The following KCNMB4 variants were observed in gnomAD, a reference collection of about 807,000 sequenced individuals.
KCNMB4 encodes calcium-activated potassium channel subunit beta-4.
KCNMB4 carries 3 observed loss-of-function variants against 20.7 expected under a neutral mutation model. The ratio of observed to expected loss-of-function variants is 0.14; its 90% CI spans 0.07 to 0.37. KCNMB4 has a LOEUF of 0.37. Among genes scored for constraint, KCNMB4 ranks in the 10% least tolerant of loss-of-function variants. KCNMB4 has a pLI of 1.00. For synonymous variants in KCNMB4, 110 were observed against 113.4 expected (o/e 0.97, Z 0.19); for missense variants, 168 against 265.9 (o/e 0.63, Z 2.56).
At chr12:70,397,660 A>G (rs1416694097) in intron 1 of KCNMB4, among the ~76,000 whole-genome samples, 3 of 152,210 alleles carry the variant, frequency 2.0e-5, no homozygotes, top group African/African-American at 4.8e-5. Flanking sequence ...TGTCAATGTA[A>G]TTCTTCTGGT....
intron 2 of KCNMB4, among the ~76,000 whole-genome samples, chr12:70,417,628 A>G (rs749210774): frequency 1.2e-4 from 19 of 152,232 alleles, no homozygotes; most frequent in Admixed American, 7.2e-4. Context: ...GTTTATGCAA[A>G]TACATCCATG....
chr12:70,421,707 G>T (rs1049365334), intron 2 of KCNMB4, among the ~76,000 whole-genome samples: 5 of 151,356 alleles, frequency 3.3e-5, no homozygotes, highest in Non-Finnish European at 5.9e-5. Flanking sequence ...TCAGCCTCCC[G>T]AGTAGCTGGG....
intron 2 of KCNMB4, among the ~76,000 whole-genome samples, chr12:70,418,395 A>G (rs1868965787): frequency 6.6e-6 from 1 of 152,098 alleles, no homozygotes; most frequent in Non-Finnish European, 1.5e-5. Flanking sequence ...TGTTAAAGTG[A>G]TCTTTCAAAA....
intron 2 of KCNMB4, among the ~76,000 whole-genome samples, chr12:70,420,835 G>A (rs1869031485): frequency 6.6e-6 from 1 of 152,114 alleles, no homozygotes; most frequent in Admixed American, 6.5e-5. Flanking sequence ...GAGGCGGGCG[G>A]ATCATGAGGT....
intron 2 of KCNMB4, among the ~76,000 whole-genome samples, chr12:70,403,121 T>G (rs1317060340): frequency 2.2e-5 from 3 of 137,100 alleles, no homozygotes; most frequent in African/African-American, 8.6e-5. Flanking sequence ...GAACAAGGTG[T>G]TGTGGAACAA....
intron 1 of KCNMB4, among the ~76,000 whole-genome samples, chr12:70,398,195 G>C (rs920715822): frequency 6.6e-6 from 1 of 151,986 alleles, no homozygotes; most frequent in Non-Finnish European, 1.5e-5. Flanking sequence ...CAGTGGGCAG[G>C]ATCTCTTCTG....
intron 2 of KCNMB4, chr12:70,422,674 A>G (rs1869096683): frequency 7.8e-7 from 1 of 1,285,654 alleles, no homozygotes; most frequent in South Asian, 1.2e-5. Flanking sequence ...TTTAAAAAAG[A>G]CAGAAAGTCA....
intron 1 of KCNMB4, among the ~76,000 whole-genome samples, chr12:70,379,565 C>T (rs1023326377): frequency 1.3e-5 from 2 of 152,124 alleles, no homozygotes; most frequent in Non-Finnish European, 2.9e-5. Context: ...TACAGGTGCA[C>T]TCTACCACAC....
Position 70,366,683 on chromosome 12 carries a change from C to CGGGGGCGGGA in KCNMB4, c.-42_-33dup, listed in dbSNP as rs1883498613. 1.0e-5 allele frequency: 13 copies of CGGGGGCGGGA among 1,300,236 alleles called. No homozygotes were observed. Among genetic ancestry groups the CGGGGGCGGGA allele is most frequent in the Admixed American group, 9.7e-5 (3 of 31,056 alleles). 80.5% of individuals were successfully genotyped at this position (1,300,236 alleles called of 1,614,324 possible). A position where few individuals can be genotyped will look rare whatever the true frequency, so the allele number is the denominator to read the frequency against. ...CGCCCGAGGCAGTCGGGCTCGGCGC[C>CGGGGGCGGGA]GGGGGCGGGAGGGGGCGGGGGGAGC... On this transcript the variant is annotated 5_prime_UTR_variant, in exon 1 of 3. Coordinates refer to ENST00000258111, the MANE Select transcript of KCNMB4 (RefSeq NM_014505.6).
intron 2 of KCNMB4, among the ~76,000 whole-genome samples, chr12:70,417,848 C>T (rs989604905): frequency 1.3e-5 from 2 of 152,032 alleles, no homozygotes; most frequent in African/African-American, 4.8e-5. Flanking sequence ...CTTCTAGGAG[C>T]GGGAATACTG....
chr12:70,425,739 C>A (rs1869194653), intron 2 of KCNMB4, among the ~76,000 whole-genome samples: 1 of 152,190 alleles, frequency 6.6e-6, no homozygotes, highest in Non-Finnish European at 1.5e-5. Context: ...TGATGGGACA[C>A]CCTCACCCAG....
chr12:70,418,888 T>A (rs1382296487), intron 2 of KCNMB4, among the ~76,000 whole-genome samples: 10 of 152,216 alleles, frequency 6.6e-5, no homozygotes, highest in Non-Finnish European at 1.5e-5. Flanking sequence ...TTTTGCTCAC[T>A]GTGACTAATC....
intron 1 of KCNMB4, among the ~76,000 whole-genome samples, chr12:70,399,607 A>G (rs1868401871): frequency 6.6e-6 from 1 of 152,216 alleles, no homozygotes; most frequent in South Asian, 2.1e-4. Context: ...ATTGCTTACG[A>G]TAATAGAGCT....
intron 2 of KCNMB4, among the ~76,000 whole-genome samples, chr12:70,404,920 T>C (rs1416779988): frequency 1.3e-5 from 2 of 152,162 alleles, no homozygotes; most frequent in African/African-American, 4.8e-5. Flanking sequence ...AGAGTGCATA[T>C]TGTGAACATT....
At chr12:70,426,433 G>A (rs376216678) in intron 2 of KCNMB4, among the ~76,000 whole-genome samples, 29 of 151,940 alleles carry the variant, frequency 1.9e-4, no homozygotes, top group Non-Finnish European at 4.0e-4. Context: ...TTCTTAAACC[G>A]AAGTGCACAT....
chr12:70,429,493 C>T (rs1417046145), intron 2 of KCNMB4, among the ~76,000 whole-genome samples: 3 of 151,830 alleles, frequency 2.0e-5, no homozygotes, highest in African/African-American at 4.8e-5. Context: ...GGTGAAACCC[C>T]GTCTCTACTA....
chr12:70,419,632 G>T (rs1868998486), intron 2 of KCNMB4, among the ~76,000 whole-genome samples: 1 of 152,158 alleles, frequency 6.6e-6, no homozygotes. Context: ...GCATAGGATT[G>T]GGGCTAAAGT....
At chr12:70,404,682 C>T (rs1868547417) in intron 2 of KCNMB4, among the ~76,000 whole-genome samples, 1 of 152,140 alleles carries the variant, frequency 6.6e-6, no homozygotes, top group Non-Finnish European at 1.5e-5. Context: ...ATCAACAGAA[C>T]TTAATGACAA....
intron 1 of KCNMB4, among the ~76,000 whole-genome samples, chr12:70,389,891 G>A (rs529111284): frequency 5.3e-5 from 8 of 152,030 alleles, no homozygotes; most frequent in Admixed American, 2.6e-4. Context: ...ATAGCTTTCC[G>A]AGAATGGGTG....
Sources: allele counts gnomAD v4.1 joint callset (sites outside exome capture counted in the v4.1 genomes callset), GRCh38; gene constraint gnomAD v4.1.1; transcripts MANE v1.5; gene names NCBI Gene and HGNC (gene_info 2026-07-23, HGNC 2026-07-21).